ATM: variants seen among roughly 807,000 people sequenced by gnomAD.
ATM encodes serine-protein kinase ATM.
A neutral mutation model predicts 387.0 loss-of-function variants in ATM; 308 were observed. That is an observed-to-expected ratio of 0.80 (90% CI 0.73 to 0.87). The LOEUF is 0.87. Among genes scored for constraint, ATM ranks in the 40% least tolerant of loss-of-function variants. The probability of loss-of-function intolerance (pLI) is 0.00; values close to 1 mark genes in which losing one functional copy is unlikely to be tolerated. For synonymous variants in ATM, 1,156 were observed against 1,187.3 expected, an observed-to-expected ratio of 0.97 and a Z score of 0.54; for missense variants, 3,312 against 3,560.9, an observed-to-expected ratio of 0.93 and a Z score of 1.78.
Position 108,297,358 on chromosome 11 carries a change from C to A in ATM, c.4981C>A (p.His1661Asn), listed in dbSNP as rs1591692950. Residue 1661 changes from histidine to asparagine, a missense_variant, in exon 33 of 63, where the codon CAC becomes AAC. His to Asn is a moderately conservative substitution (Grantham distance 68). Transcript: ENST00000675843. Reference sequence around the variant, plus strand: ...GCAGTTATCCAAGATGGCAATAAACCACACTGGTGAAAAAGAAGTTCTAGG... The same window carrying A: ...GCAGTTATCCAAGATGGCAATAAACAACACTGGTGAAAAAGAAGTTCTAGG... ...LLQLSKMAINHTGEKEVLEAV... is the reference protein window; with the variant it reads ...LLQLSKMAINNTGEKEVLEAV... The A allele has an allele frequency of 6.2e-7, 1 of 1,613,936 alleles. No individual in the cohort carries two copies.
intron 56 of ATM, among the ~76,000 whole-genome samples, chr11:108,337,860 A>G (rs1466999576): frequency 2.0e-5 from 3 of 152,222 alleles, no homozygotes; most frequent in Non-Finnish European, 4.4e-5. Context: ...CACCTCCTGA[A>G]CTCTCAGAAA....
At chr11:108,333,746 C>T (rs377644946) in intron 53 of ATM, 140 bp from the exon 54 acceptor site, 2 of 765,546 alleles carry the variant, frequency 2.6e-6, no homozygotes, top group Admixed American at 1.9e-5. Flanking sequence ...GGCCAAAGCC[C>T]AGAGTCTTCA....
chr11:108,246,928 T>C lies in ATM; in HGVS notation c.902-36T>C, dbSNP rs765794769. 1.7e-5 allele frequency: 26 copies of C among 1,530,416 alleles called. No individual in the cohort carries two copies. In the Admixed American group the frequency reaches 3.9e-4, roughly 23 times the overall value. 94.8% of individuals were successfully genotyped at this position (1,530,416 alleles called of 1,614,324 possible). On this transcript the variant is annotated intron_variant, in intron 7 of 62. Coordinates refer to ENST00000675843, the MANE Select transcript of ATM (RefSeq NM_000051.4). ...GAGCTAGCAGTGTAAACAGAGTACA[T>C]ACATAAAAATTACATTTTAATTTTT...
chr11:108,303,872 A>G (rs1030339757), intron 36 of ATM, among the ~76,000 whole-genome samples: 8 of 152,188 alleles, frequency 5.3e-5, no homozygotes, highest in Non-Finnish European at 1.5e-5. Flanking sequence ...AAATGTTCCA[A>G]ATATACATAT....
In ATM at chr11:108,266,402, G is replaced by C. The variant is rs994641392; in HGVS notation, c.2467-769G>C. 7.4e-5 allele frequency among the ~76,000 whole-genome samples: 11 copies of C among 149,518 alleles called. No homozygotes were observed. In the Admixed American group the frequency reaches 7.4e-4, roughly 10 times the overall value. The stretch of plus-strand genomic sequence containing the variant: ...TCGCAAGAAGAAAAAACCAAACACC[G>C]CATGTTCTCACTCATAGGTGGGAAT... On this transcript the variant is annotated intron_variant, in intron 16 of 62. Coordinates refer to ENST00000675843, the MANE Select transcript of ATM (RefSeq NM_000051.4).
rs1199781239 is a variant in ATM, at chr11:108,251,883, C to A, written c.1654C>A (p.Pro552Thr). The change falls in exon 11 of 63, where the codon CCA (proline) becomes ACA (threonine). Residue 552 changes from proline to threonine, a missense_variant. By Grantham distance (38) the Pro-to-Thr change is conservative. Transcript: ENST00000675843. Reference sequence around the variant, plus strand: ...TTTGGCACTGACCACCAGTATAGTTCCAGGAACGGTAAAAATGGGAATAGA... The same window carrying A: ...TTTGGCACTGACCACCAGTATAGTTACAGGAACGGTAAAAATGGGAATAGA... ...LTLALTTSIV[P>T]GTVKMGIEQN... 1 of 1,613,786 alleles carries A rather than the reference C, an allele frequency of 6.2e-7. No homozygotes were observed. Among genetic ancestry groups the A allele is most frequent in the Admixed American group, 1.7e-5 (1 of 60,006 alleles).
chr11:108,306,517 A>G (rs752541794), intron 37 of ATM, among the ~76,000 whole-genome samples: 13 of 152,196 alleles, frequency 8.5e-5, no homozygotes, highest in African/African-American at 2.9e-4. Context: ...ATTTGTTATC[A>G]TGAACATGGC....
chr11:108,297,161 A>C (rs529118716), intron 32 of ATM, 126 bp from the exon 33 acceptor site: 1 of 746,472 alleles, frequency 1.3e-6, no homozygotes, highest in African/African-American at 1.8e-5. Flanking sequence ...TGAGCTACTC[A>C]TGACTTAAAA....
chr11:108,315,621 A>C (rs1003547588), intron 40 of ATM, among the ~76,000 whole-genome samples: 5 of 152,200 alleles, frequency 3.3e-5, no homozygotes, highest in Admixed American at 6.5e-5. Flanking sequence ...AAAAATCCAC[A>C]TATAAGTTGT....
At chr11:108,353,564 G>A (rs985637516) in intron 59 of ATM, among the ~76,000 whole-genome samples, 2 of 152,178 alleles carry the variant, frequency 1.3e-5, no homozygotes, top group Non-Finnish European at 2.9e-5. Flanking sequence ...AAGTAGTTAG[G>A]TTATTTGGAT....
intron 39 of ATM, among the ~76,000 whole-genome samples, chr11:108,311,383 CTG>C (rs2084143400): frequency 6.6e-6 from 1 of 152,106 alleles, no homozygotes; most frequent in Non-Finnish European, 1.5e-5. Context: ...CAAAGTATAA[CTG>C]TTCCTAGTTT....
chr11:108,284,789 G>T (rs921830021), intron 26 of ATM, among the ~76,000 whole-genome samples: 4 of 152,106 alleles, frequency 2.6e-5, no homozygotes, highest in Admixed American at 2.6e-4. Context: ...TAAAGTCAAG[G>T]AATACTAAAC....
chr11:108,345,536 C>G (rs893382351), intron 57 of ATM, among the ~76,000 whole-genome samples: 4 of 152,110 alleles, frequency 2.6e-5, no homozygotes, highest in Non-Finnish European at 5.9e-5. Flanking sequence ...AGGTGTGCTT[C>G]CTCCCCCAAC....
intron 24 of ATM, among the ~76,000 whole-genome samples, chr11:108,282,022 G>T (rs1485456049): frequency 2.0e-5 from 3 of 152,096 alleles, no homozygotes; most frequent in African/African-American, 7.2e-5. Flanking sequence ...CTGGAGTGCG[G>T]TGATGTGATC....
rs149636614 is a variant in ATM, at chr11:108,248,940, A to G, written c.1073A>G (p.Asn358Ser). ...TTTATTTTTATTTTACAGGTTTTTA[A>G]TGAAGATACCAGATCCTTGGAGATT... ...LMADICHQVF[N>S]EDTRSLEISQ... The change falls in exon 9 of 63, where the codon AAT (asparagine) becomes AGT (serine). Residue 358 changes from asparagine (N) to serine (S), a missense_variant. Physicochemically the swap from Asn to Ser is conservative, Grantham distance 46 (BLOSUM62 1). Coordinates refer to ENST00000675843, the MANE Select transcript of ATM (RefSeq NM_000051.4). 221 of 1,605,794 alleles carry G rather than the reference A, an allele frequency of 1.4e-4. 1 individual carries two copies. The African/African-American group carries it at 2.4e-3, about 17-fold the overall frequency.
intron 6 of ATM, 75 bp from the exon 7 acceptor site, chr11:108,244,713 C>G: frequency 8.9e-7 from 1 of 1,129,044 alleles, no homozygotes; most frequent in Non-Finnish European, 1.3e-6. Flanking sequence ...TTTCAGCATA[C>G]CACTTCATAA....
chr11:108,350,242 T>A (rs894952548), intron 59 of ATM, among the ~76,000 whole-genome samples: 4 of 152,106 alleles, frequency 2.6e-5, no homozygotes, highest in Non-Finnish European at 5.9e-5. Flanking sequence ...AGTTGTAGTT[T>A]AAAATGGGAG....
chr11:108,332,181 ACTTTGGGAGG>A, intron 52 of ATM, 144 bp downstream of exon 52: 1 of 1,060,240 alleles, frequency 9.4e-7, no homozygotes, highest in Non-Finnish European at 1.4e-6. Flanking sequence ...TAATCCCAGC[ACTTTGGGAGG>A]CTGAGGCGGG....
At chr11:108,342,199 C>T (rs1189902292) in intron 56 of ATM, among the ~76,000 whole-genome samples, 1 of 152,082 alleles carries the variant, frequency 6.6e-6, no homozygotes, top group African/African-American at 2.4e-5. Context: ...AAAGATTGGA[C>T]ACCCCTGCCT....
Sources: gnomAD v4.1 joint callset for allele counts (sites outside exome capture counted in the v4.1 genomes callset) on GRCh38, gnomAD v4.1.1 for gene constraint, MANE v1.5 for transcripts, NCBI Gene and HGNC (gene_info 2026-07-23, HGNC 2026-07-21) for gene names.